Variants in DOCK10 observed in about 807,000 individuals in gnomAD.
The protein encoded by DOCK10 is dedicator of cytokinesis protein 10.
A neutral mutation model predicts 280.1 loss-of-function variants in DOCK10; 145 were observed. The observed-to-expected ratio is 0.52, with a 90% CI of 0.45 to 0.59. DOCK10 has a LOEUF of 0.59. Among genes scored for constraint, DOCK10 ranks in the 20% least tolerant of loss-of-function variants. The pLI is 0.00. For missense variants in DOCK10, 2,368 were observed against 2,651.7 expected (o/e 0.89, Z 2.35); for synonymous variants, 915 against 942.2 (o/e 0.97, Z 0.53).
chr2:225,003,414 G>A (rs893347482), intron 1 of DOCK10, among the ~76,000 whole-genome samples: 2 of 152,198 alleles, frequency 1.3e-5, no homozygotes, highest in East Asian at 3.8e-4. Context: ...ACTGATGGTG[G>A]TGTGGGACCT....
Position 224,818,398 on chromosome 2 carries a change from CT to C in DOCK10, c.3267+1047del, listed in dbSNP as rs386392783. 8.1e-3 allele frequency among the ~76,000 whole-genome samples: 1,027 copies of C among 126,420 alleles called. 21 individuals carry two copies. The highest frequency in any genetic ancestry group is 0.057 in the Admixed American group (718 of 12,522). 82.9% of individuals were successfully genotyped at this position (126,420 alleles called of 152,430 possible). A position where few individuals can be genotyped will look rare whatever the true frequency, so the allele number is the denominator to read the frequency against. ...GTGCTTGAAAAGGCCTGGCCCCTGC[CT>C]TTTTTTTTTTTTTTTTTGAGACGGA... On this transcript the variant is annotated intron_variant, in intron 29 of 55. Transcript: ENST00000258390.
intron 1 of DOCK10, among the ~76,000 whole-genome samples, chr2:225,019,313 T>C (rs1487770773): frequency 6.6e-6 from 1 of 152,068 alleles, no homozygotes; most frequent in Non-Finnish European, 1.5e-5. Context: ...TATGGAGAAA[T>C]ACCACACTCC....
intron 14 of DOCK10, 81 bp from the exon 15 acceptor site, chr2:224,857,063 C>T (rs1697196548): frequency 2.6e-6 from 3 of 1,175,294 alleles, no homozygotes; most frequent in South Asian, 4.8e-5. Context: ...ATTAATTAAA[C>T]TTCTCATTTA....
At chr2:225,024,416 A>T (rs527843214) in intron 1 of DOCK10, among the ~76,000 whole-genome samples, 1 of 152,326 alleles carries the variant, frequency 6.6e-6, no homozygotes, top group African/African-American at 2.4e-5. Context: ...AAGAAATAGT[A>T]TTCTTTGTAT....
chr2:224,932,396 G>C (rs144020444), intron 1 of DOCK10, among the ~76,000 whole-genome samples: 110 of 152,218 alleles, frequency 7.2e-4, no homozygotes, highest in African/African-American at 2.4e-3. Context: ...GGAGAAATGT[G>C]ACAGTTTCAT....
chr2:224,885,606 A>G lies in DOCK10; in HGVS notation c.747+65T>C, dbSNP rs140249202. 3.1e-3 allele frequency: 4,527 copies of G among 1,469,018 alleles called. 9 individuals carry two copies. The highest frequency in any genetic ancestry group is 3.6e-3 in the Non-Finnish European group (4,034 of 1,105,690). 91.0% of individuals were successfully genotyped at this position (1,469,018 alleles called of 1,614,324 possible). On this transcript the variant is annotated intron_variant, in intron 7 of 55. Transcript: ENST00000258390. ...TTGGCTCATATCAGATACTCCATGAATATTTGTTAAATATACTTTTCAAAT... is the reference window on the plus strand; with the variant it reads ...TTGGCTCATATCAGATACTCCATGAGTATTTGTTAAATATACTTTTCAAAT...
rs74880676 is a variant in DOCK10, at chr2:224,897,103, T to G, written c.334-726A>C. 6.3e-4 allele frequency among the ~76,000 whole-genome samples: 96 copies of G among 152,316 alleles called. 2 individuals are homozygous for G. Among genetic ancestry groups the G allele is most frequent in the Non-Finnish European group, 1.8e-4 (12 of 68,020 alleles). On this transcript the variant is annotated intron_variant, in intron 3 of 55. Coordinates refer to ENST00000258390, the MANE Select transcript of DOCK10 (RefSeq NM_014689.3). ...TTTATATAAGAGCCTTTTGTCATGA[T>G]TTTAGCCCATTCCTTCTTGTCCTTA... is the stretch of plus-strand genomic sequence containing the variant.
intron 1 of DOCK10, among the ~76,000 whole-genome samples, chr2:224,972,671 C>T (rs934920829): frequency 2.0e-5 from 3 of 152,264 alleles, no homozygotes; most frequent in East Asian, 1.9e-4. Context: ...ACCTGATTTT[C>T]GACTTTTCTT....
At position 225,042,171 on chromosome 2, in the gene DOCK10, C is replaced by T; in HGVS notation, c.123+81G>A. The T allele has an allele frequency of 8.3e-7, 1 of 1,210,296 alleles. No individual in the cohort carries two copies. The highest frequency in any genetic ancestry group is 1.0e-6 in the Non-Finnish European group (1 of 973,030). 75.0% of individuals were successfully genotyped at this position (1,210,296 alleles called of 1,614,324 possible). A position where few individuals can be genotyped will look rare whatever the true frequency, so the allele number is the denominator to read the frequency against. On this transcript the variant is annotated intron_variant, in intron 1 of 55. Coordinates refer to ENST00000258390, the MANE Select transcript of DOCK10 (RefSeq NM_014689.3). The surrounding 1 kb of genome is among the most constrained non-coding windows in gnomAD (Gnocchi z 5.1). ...GTGAGCTGCGGGGACCTGGGCCCGC[C>T]GAGCTTTTGGGGAAGCTGGGCTCCG...
intron 1 of DOCK10, among the ~76,000 whole-genome samples, chr2:224,936,031 T>C (rs970780759): frequency 6.6e-6 from 1 of 152,102 alleles, no homozygotes; most frequent in Non-Finnish European, 1.5e-5. Flanking sequence ...ACCCAATGAG[T>C]GAAGACTCCA....
chr2:224,901,666 G>A (rs1233116507), intron 3 of DOCK10, among the ~76,000 whole-genome samples: 1 of 152,196 alleles, frequency 6.6e-6, no homozygotes, highest in Non-Finnish European at 1.5e-5. Flanking sequence ...GAGATCCACG[G>A]AATCAGAATC....
intron 1 of DOCK10, among the ~76,000 whole-genome samples, chr2:224,974,952 T>C (rs544871834): frequency 2.0e-5 from 3 of 149,844 alleles, no homozygotes; most frequent in African/African-American, 2.4e-5. Context: ...TAAGTTTCTA[T>C]GTATCACCTC....
At chr2:224,768,209 C>T (rs987139302) in intron 55 of DOCK10, among the ~76,000 whole-genome samples, 3 of 152,126 alleles carry the variant, frequency 2.0e-5, no homozygotes, top group Admixed American at 6.6e-5. Context: ...AGCCACCGTG[C>T]CTGGCCTGTT....
chr2:224,801,831 C>T lies in DOCK10; in HGVS notation c.4393+85G>A. On this transcript the variant is annotated intron_variant, in intron 40 of 55. Transcript: ENST00000258390. ...CCAGAGGTACAGCAAACCTTAAAAA[C>T]TGTGGTTTTAGTGCATTTCATGTCC... 5 of 1,388,356 alleles carry T rather than the reference C, an allele frequency of 3.6e-6. No individual in the cohort carries two copies. The South Asian group carries it at 6.4e-5, about 18-fold the overall frequency. 86.0% of individuals were successfully genotyped at this position (1,388,356 alleles called of 1,614,324 possible). A position where few individuals can be genotyped will look rare whatever the true frequency, so the allele number is the denominator to read the frequency against.
rs35956923 is a variant in DOCK10 at position 224,771,131 on chromosome 2, AG to A, written c.6205-487del. Among the ~76,000 whole-genome samples, 103 of 152,002 alleles carry A rather than the reference AG, an allele frequency of 6.8e-4. 2 individuals are homozygous for A. Among genetic ancestry groups the A allele is most frequent in the African/African-American group, 2.3e-3 (95 of 41,450 alleles). ...AGAAAGTTTTTGTAGAGACGGGGGA[AG>A]GGGGGCGGTCTCACTACATTGTCCC... On this transcript the variant is annotated intron_variant, in intron 53 of 55. Coordinates refer to ENST00000258390, the MANE Select transcript of DOCK10 (RefSeq NM_014689.3).
intron 37 of DOCK10, 57 bp from the exon 38 acceptor site, chr2:224,804,898 T>A (rs945106128): frequency 1.6e-5 from 21 of 1,334,374 alleles, no homozygotes; most frequent in Non-Finnish European, 2.0e-5. Flanking sequence ...TTATACAAAC[T>A]GTTCATCTAA....
rs185442716 is a variant in DOCK10 at position 224,873,545 on chromosome 2, C to T, written c.1257+451G>A. 2.4e-4 allele frequency among the ~76,000 whole-genome samples: 32 copies of T among 134,154 alleles called. 1 individual carries two copies. The highest frequency in any genetic ancestry group is 6.1e-4 in the African/African-American group (21 of 34,656). 88.0% of individuals were successfully genotyped at this position (134,154 alleles called of 152,430 possible). ...GCACTGAGCTGAGGCTGCAGTGAGC[C>T]GAGACTGCGCAACTGCACTCCAGCC... On this transcript the variant is annotated intron_variant, in intron 11 of 55. Coordinates refer to ENST00000258390, the MANE Select transcript of DOCK10 (RefSeq NM_014689.3).
At chr2:224,881,040 C>T (rs906364888) in intron 7 of DOCK10, among the ~76,000 whole-genome samples, 1 of 152,082 alleles carries the variant, frequency 6.6e-6, no homozygotes, top group Non-Finnish European at 1.5e-5. Context: ...AGTGCTTTCC[C>T]TCATTGAACT....
intron 9 of DOCK10, 63 bp downstream of exon 9, chr2:224,874,603 A>G (rs1698508041): frequency 6.8e-7 from 1 of 1,470,624 alleles, no homozygotes; most frequent in Non-Finnish European, 9.5e-7. Context: ...CGTCTTTTCC[A>G]TGAAAGCAAT....
Sources: gnomAD v4.1 joint callset for allele counts (sites outside exome capture counted in the v4.1 genomes callset) on GRCh38, gnomAD v4.1.1 for gene constraint, Gnocchi (gnomAD v3.1) non-coding constraint, MANE v1.5 for transcripts, NCBI Gene and HGNC (gene_info 2026-07-23, HGNC 2026-07-21) for gene names.